The following LMF2 variants were observed in gnomAD, a reference collection of about 807,000 sequenced individuals.
LMF2 encodes the protein lipase maturation factor 2.
Under a neutral mutation model 81.5 loss-of-function variants are expected in LMF2, and 113 were observed. The observed-to-expected ratio is 1.39, with a 90% confidence interval of 1.19 to 1.62. The LOEUF (loss-of-function observed/expected upper bound fraction) is 1.62, where lower values mean the gene tolerates loss of function less well. Ranked by LOEUF, LMF2 falls within the 40% of genes most tolerant of loss-of-function variation. The pLI is 0.00. For missense variants in LMF2, 1,235 were observed against 929.1 expected (o/e 1.33, Z -4.28); for synonymous variants, 645 against 424.5 (o/e 1.52, Z -6.39).
rs1246006601 is a variant in LMF2, at chr22:50,503,897, A to G, written c.1726T>C (p.Trp576Arg). 1 of 1,604,790 alleles carries G rather than the reference A, an allele frequency of 6.2e-7. No individual in the cohort carries two copies. Among genetic ancestry groups the G allele is most frequent in the Non-Finnish European group, 8.5e-7 (1 of 1,179,266 alleles). The change falls in exon 13 of 14, where the codon TGG becomes CGG. Residue 576 changes from tryptophan to arginine, a missense_variant. Coordinates refer to ENST00000474879, the MANE Select transcript of LMF2 (RefSeq NM_033200.3). ...FSQPGEQGQW[W>R]RRQWVEEFFP... Reference sequence around the variant, plus strand: ...AACTCCTCCACCCACTGGCGCCGCCACCACTGGCTGCAGCAGGACCCGATG... The same window carrying G: ...AACTCCTCCACCCACTGGCGCCGCCGCCACTGGCTGCAGCAGGACCCGATG...
At position 50,503,407 on chromosome 22, in the gene LMF2, G is replaced by C; in HGVS notation, c.2108C>G (p.Thr703Ser). The C allele has an allele frequency of 6.2e-7, 1 of 1,610,358 alleles. No homozygotes were observed. The highest frequency in any genetic ancestry group is 8.5e-7 in the Non-Finnish European group (1 of 1,179,036). Residue 703 changes from threonine (T) to serine (S), a missense_variant, in exon 14 of 14, where the codon ACC becomes AGC. Transcript: ENST00000474879. ...PNPCSSSSRT[T>S]RRKK Reference sequence around the variant, plus strand: ...AGAACACAGCTACTTCTTTCGCCGGGTGGTCCTCGAACTACTGGAGCAGGG... The same window carrying C: ...AGAACACAGCTACTTCTTTCGCCGGCTGGTCCTCGAACTACTGGAGCAGGG...
Position 50,505,988 on chromosome 22 carries a change from G to A in LMF2, c.774+47C>T, listed in dbSNP as rs1305521068. On this transcript the variant is annotated intron_variant, in intron 5 of 13. Transcript: ENST00000474879. ...ACAGGGCACGCTGAGCAGCGCTGAA[G>A]GCCGAGCCCTGTCTGCCTCTCTCTG... 5.1e-6 allele frequency: 8 copies of A among 1,563,440 alleles called. No homozygotes were observed. In the South Asian group the frequency reaches 7.0e-5, roughly 14 times the overall value.
chr22:50,504,913 G>A lies in LMF2; in HGVS notation c.1326C>T (p.Ala442=), dbSNP rs1028337819. 8.7e-6 allele frequency: 14 copies of A among 1,608,174 alleles called. No homozygotes were observed. Among genetic ancestry groups the A allele is most frequent in the African/African-American group, 5.3e-5 (4 of 74,786 alleles). ...LWTGAHRLFG[A]VEHLQLANSY... The stretch of plus-strand genomic sequence containing the variant: ...AGTTGGCCAGCTGTAGGTGCTCCAC[G>A]GCACCAAACAGGCGGTGGGCCCCGG... The change falls in exon 10 of 14, where the codon GCC becomes GCT. Residue 442 remains alanine, a synonymous_variant. Transcript: ENST00000474879.
rs375790067 is a variant in LMF2, at chr22:50,505,343, G to A, written c.1052-9C>T. The A allele has an allele frequency of 1.9e-6, 3 of 1,613,302 alleles. No homozygotes were observed. Among genetic ancestry groups the A allele is most frequent in the Non-Finnish European group, 2.5e-6 (3 of 1,180,026 alleles). On this transcript the variant is annotated splice_polypyrimidine_tract_variant and intron_variant, in intron 7 of 13. Transcript: ENST00000474879. ...CTGGTGGAAGGTGAAAGCTGGTGGA[G>A]GAGGGGGGTGTGAGGACTGGTCCGC...
In LMF2 at chr22:50,504,015, C is replaced by G. The variant is rs545815428; in HGVS notation, c.1719-111G>C. On this transcript the variant is annotated intron_variant, in intron 12 of 13. Transcript: ENST00000474879. Reference sequence around the variant, plus strand: ...AGCTCCTCACGCTCCACATCCCCCCCTGGTGCCCGGCCTTACCCCTGCACC... The same window carrying G: ...AGCTCCTCACGCTCCACATCCCCCCGTGGTGCCCGGCCTTACCCCTGCACC... The G allele has an allele frequency of 5.8e-6, 6 of 1,040,090 alleles. No individual in the cohort carries two copies. The African/African-American group carries it at 8.1e-5, about 14-fold the overall frequency. 64.4% of individuals were successfully genotyped at this position (1,040,090 alleles called of 1,614,324 possible).
rs577250331 is a variant in LMF2 at position 50,505,755 on chromosome 22, G to A, written c.835C>T (p.Leu279=). 33 of 1,613,246 alleles carry A rather than the reference G, an allele frequency of 2.0e-5. No individual in the cohort carries two copies. The South Asian group carries it at 3.6e-4, about 18-fold the overall frequency. ...GNYNFFNLMT[L]VLTTALLDDQ... The stretch of plus-strand genomic sequence containing the variant: ...TCCAGCAGCGCAGTGGTAAGCACCA[G>A]CGTCATCAGGTTGAAGAAGTTGTAG... Residue 279 remains leucine, a synonymous_variant, in exon 6 of 14, where the codon CTG becomes TTG. Coordinates refer to ENST00000474879, the MANE Select transcript of LMF2 (RefSeq NM_033200.3).
Position 50,507,272 on chromosome 22 carries a change from C to G in LMF2, c.95-237G>C, listed in dbSNP as rs1402688624. 7.7e-6 allele frequency: 5 copies of G among 647,510 alleles called. No individual in the cohort carries two copies. The South Asian group carries it at 7.8e-5, about 10-fold the overall frequency. The allele number at this position is 647,510 out of a possible 1,614,324, so 40.1% of individuals were successfully genotyped here. A position where few individuals can be genotyped will look rare whatever the true frequency, so the allele number is the denominator to read the frequency against. The stretch of plus-strand genomic sequence containing the variant: ...TCAGGGCCTCCCACCCAGCAGAGCC[C>G]ACTGCCCTCTTCCAGGTCTCAGCCC... On this transcript the variant is annotated intron_variant, in intron 1 of 13. Coordinates refer to ENST00000474879, the MANE Select transcript of LMF2 (RefSeq NM_033200.3).
Position 50,503,840 on chromosome 22 carries a change from G to A in LMF2, c.1783C>T (p.Leu595=). 3 of 1,606,228 alleles carry A rather than the reference G, an allele frequency of 1.9e-6. No homozygotes were observed. The highest frequency in any genetic ancestry group is 4.5e-5 in the East Asian group (2 of 44,844). The change falls in exon 13 of 14, where the codon CTG becomes TTG. Residue 595 remains leucine, a synonymous_variant. Coordinates refer to ENST00000474879, the MANE Select transcript of LMF2 (RefSeq NM_033200.3). The part of the protein sequence containing the change: ...FPSVSLGDPT[L]ETLLRQFGLQ... ...CCAAACTGCCTGAGCAGCGTCTCCA[G>A]CGTGGGGTCCCCCAGGGACACGGAT...
rs539529768 is a variant in LMF2, at chr22:50,504,936, C to T, written c.1303G>A (p.Gly435Arg). ...EPGTHGRLWT[G>R]AHRLFGAVEH... The stretch of plus-strand genomic sequence containing the variant: ...ACGGCACCAAACAGGCGGTGGGCCC[C>T]GGTCCAGAGGCGCCCGTGGGTCCCG... The change falls in exon 10 of 14, where the codon GGG becomes AGG. Residue 435 changes from glycine to arginine, a missense_variant. Coordinates refer to ENST00000474879, the MANE Select transcript of LMF2 (RefSeq NM_033200.3). The T allele has an allele frequency of 4.7e-5, 76 of 1,607,384 alleles. No individual in the cohort carries two copies. The African/African-American group carries it at 6.0e-4, about 13-fold the overall frequency.
In LMF2 at chr22:50,504,962, G is replaced by C. The variant is rs374824268; in HGVS notation, c.1277C>G (p.Pro426Arg). 1 of 1,609,028 alleles carries C rather than the reference G, an allele frequency of 6.2e-7. No homozygotes were observed. Among genetic ancestry groups the C allele is most frequent in the Non-Finnish European group, 8.5e-7 (1 of 1,177,214 alleles). Residue 426 changes from proline (P) to arginine (R), a missense_variant, in exon 10 of 14, where the codon CCC (proline) becomes CGC (arginine). Pro to Arg is a moderately radical substitution (Grantham distance 103). Transcript: ENST00000474879. ...GGTCCAGAGGCGCCCGTGGGTCCCG[G>C]GCTCCACGTAGGAGTACGGCACCTG... ...ISLVPYSYVE[P>R]GTHGRLWTGA...
In LMF2 at chr22:50,505,105, T is replaced by C. The variant is rs372036131; in HGVS notation, c.1206A>G (p.Gln402=). The C allele has an allele frequency of 3.2e-5, 51 of 1,612,906 alleles. No individual in the cohort carries two copies. Among genetic ancestry groups the C allele is most frequent in the Admixed American group, 1.0e-4 (6 of 60,026 alleles). Residue 402 remains glutamine (Q), a synonymous_variant, in exon 9 of 14, where the codon CAA becomes CAG. Transcript: ENST00000474879. Reference sequence around the variant, plus strand: ...CGGTCGCAGTGCCCACAAGGGACAGTTGGACTACAGCACTGAGCTTCCGTA... The same window carrying C: ...CGGTCGCAGTGCCCACAAGGGACAGCTGGACTACAGCACTGAGCTTCCGTA... The part of the protein sequence containing the change: ...GWLRKLSAVV[Q]LSLVGTATVA...
Position 50,506,409 on chromosome 22 carries a change from C to T in LMF2, c.471G>A (p.Gln157=), listed in dbSNP as rs2068571315. The T allele has an allele frequency of 3.9e-6, 6 of 1,550,256 alleles. No individual in the cohort carries two copies. The highest frequency in any genetic ancestry group is 5.2e-6 in the Non-Finnish European group (6 of 1,147,662). ...SHRKEAPQGR[Q]AGALPHEDLP... is the part of the protein sequence containing the mutation. ...GGTCTTCGTGGGGCAGGGCCCCTGCCTGCCTGCCCTGGGGGGCCTCCTTGC... is the reference window on the plus strand; with the variant it reads ...GGTCTTCGTGGGGCAGGGCCCCTGCTTGCCTGCCCTGGGGGGCCTCCTTGC... Residue 157 remains glutamine (Q), a synonymous_variant, in exon 4 of 14, where the codon CAG becomes CAA. Transcript: ENST00000474879.
intron 5 of LMF2, 94 bp downstream of exon 5, chr22:50,505,941 C>T: frequency 6.4e-7 from 1 of 1,564,070 alleles, no homozygotes; most frequent in Non-Finnish European, 8.7e-7. Flanking sequence ...GCCAGCTGTC[C>T]CCGGGAGCCA....
At position 50,503,391 on chromosome 22, in the gene LMF2, C is replaced by A; in HGVS notation, c.2124G>T (p.Ter708TyrextTer9). The A allele has an allele frequency of 6.2e-7, 1 of 1,610,726 alleles. No homozygotes were observed. The highest frequency in any genetic ancestry group is 2.2e-5 in the East Asian group (1 of 44,766). The change falls in exon 14 of 14, where the codon TAG becomes TAT. Residue 708 changes from the stop codon to tyrosine, a stop_lost. Coordinates refer to ENST00000474879, the MANE Select transcript of LMF2 (RefSeq NM_033200.3). ...SSSRTTRRKK[*>Y] ...AGGACGTGCAGCTGGGAGAACACAG[C>A]TACTTCTTTCGCCGGGTGGTCCTCG...
rs373587782 is a variant in LMF2, at chr22:50,503,673, G to T, written c.1842C>A (p.Ser614Arg). 4 of 1,592,716 alleles carry T rather than the reference G, an allele frequency of 2.5e-6. No individual in the cohort carries two copies. Among genetic ancestry groups the T allele is most frequent in the Non-Finnish European group, 3.4e-6 (4 of 1,174,302 alleles). Residue 614 changes from serine to arginine, a missense_variant, in exon 14 of 14, where the codon AGC (serine) becomes AGA (arginine). Ser to Arg is a moderately radical substitution (Grantham distance 110). Coordinates refer to ENST00000474879, the MANE Select transcript of LMF2 (RefSeq NM_033200.3). ...LQEKSPPRTR[S>R]ANSTLAQALH... ...GGGCCTGGGCCAGGGTGCTGTTGGC[G>T]CTGCGGGTGCGAGGTGGGCTTTTCT...
intron 12 of LMF2, 28 bp downstream of exon 12, chr22:50,504,312 C>T: frequency 6.4e-7 from 1 of 1,569,100 alleles, no homozygotes; most frequent in Non-Finnish European, 8.7e-7. Context: ...ACCCCGGGCT[C>T]CACACCCCAC....
rs374479884 is a variant in LMF2 at position 50,505,221 on chromosome 22, C to G, written c.1157+8G>C. The G allele has an allele frequency of 1.2e-6, 2 of 1,613,018 alleles. No homozygotes were observed. Among genetic ancestry groups the G allele is most frequent in the Middle Eastern group, 1.7e-4 (1 of 6,060 alleles). ...CTGTGCCCCCTCCCTGCTTCCTGGG[C>G]CATGTACCTCCACAGGGCACTCAGC... On this transcript the variant is annotated splice_region_variant and intron_variant, in intron 8 of 13. Transcript: ENST00000474879.
Position 50,504,880 on chromosome 22 carries a change from G to A in LMF2, c.1359C>T (p.Gly453=), listed in dbSNP as rs1388367541. The A allele has an allele frequency of 1.2e-6, 2 of 1,611,018 alleles. No homozygotes were observed. The highest frequency in any genetic ancestry group is 2.2e-5 in the East Asian group (1 of 44,748). Residue 453 remains glycine, a synonymous_variant, in exon 10 of 14, where the codon GGC becomes GGT. Coordinates refer to ENST00000474879, the MANE Select transcript of LMF2 (RefSeq NM_033200.3). Reference sequence around the variant, plus strand: ...CAAGCCCAGTCATGCGGCGGAAGAGGCCGTAGGAGTTGGCCAGCTGTAGGT... The same window carrying A: ...CAAGCCCAGTCATGCGGCGGAAGAGACCGTAGGAGTTGGCCAGCTGTAGGT... The part of the protein sequence containing the change: ...VEHLQLANSY[G]LFRRMTGLGG...
At chr22:50,506,716 A>T in intron 2 of LMF2, 50 bp from the exon 3 acceptor site, 2 of 1,613,264 alleles carry the variant, frequency 1.2e-6, no homozygotes, top group Non-Finnish European at 1.7e-6. Flanking sequence ...GGACTCAGGT[A>T]AGGTAGAGGC....
Sources: gnomAD v4.1 joint callset for allele counts on GRCh38, gnomAD v4.1.1 for gene constraint, MANE v1.5 for transcripts, NCBI Gene and HGNC (gene_info 2026-07-23, HGNC 2026-07-21) for gene names.